Variants in ADD3 observed in about 807,000 individuals in gnomAD.
The protein encoded by ADD3 is gamma-adducin.
Under a neutral mutation model 80.2 loss-of-function variants are expected in ADD3, and 25 were observed. That is an observed-to-expected ratio of 0.31 (90% confidence interval 0.23 to 0.44). ADD3 has a LOEUF of 0.44. ADD3 is among the 20% of genes least tolerant of loss of function. The probability of loss-of-function intolerance (pLI) is 1.00; values close to 1 mark genes in which losing one functional copy is unlikely to be tolerated. For missense variants in ADD3, 829 were observed against 847.5 expected (o/e 0.98, Z 0.27); for synonymous variants, 284 against 289.6 (o/e 0.98, Z 0.20).
chr10:110,055,467 A>C (rs1858066168), intron 1 of ADD3, among the ~76,000 whole-genome samples: 1 of 152,240 alleles, frequency 6.6e-6, no homozygotes, highest in Admixed American at 6.5e-5. Context: ...GTTTCACAGC[A>C]TAAGTTATTT....
At chr10:110,097,597 G>T (rs767036617) in intron 1 of ADD3, among the ~76,000 whole-genome samples, 2 of 152,088 alleles carry the variant, frequency 1.3e-5, no homozygotes, top group Non-Finnish European at 2.9e-5. Context: ...TAACATTGAT[G>T]TAAATACTAT....
chr10:110,067,925 T>C (rs1844175870), intron 1 of ADD3, among the ~76,000 whole-genome samples: 1 of 152,250 alleles, frequency 6.6e-6, no homozygotes, highest in Admixed American at 6.5e-5. Context: ...TACTTCTCTT[T>C]GTTTAATATT....
chr10:110,011,138 G>C (rs768615209), intron 1 of ADD3, among the ~76,000 whole-genome samples: 5 of 150,746 alleles, frequency 3.3e-5, no homozygotes, highest in Non-Finnish European at 7.4e-5. Context: ...GTGGCCCAGA[G>C]GGCACTAATT....
At chr10:110,032,714 C>A (rs921270690) in intron 1 of ADD3, among the ~76,000 whole-genome samples, 1 of 152,130 alleles carries the variant, frequency 6.6e-6, no homozygotes, top group East Asian at 1.9e-4. Flanking sequence ...CTGAAATAAT[C>A]GCTATTCTAT....
chr10:110,014,358 A>C (rs1316653886), intron 1 of ADD3, among the ~76,000 whole-genome samples: 1 of 152,200 alleles, frequency 6.6e-6, no homozygotes, highest in African/African-American at 2.4e-5. Context: ...ATTGGGCATA[A>C]GTGCCTTGGA....
At position 110,134,019 on chromosome 10, in the gene ADD3, T is replaced by C. The variant is rs1853405040; in HGVS notation, c.*401T>C. 1 of 153,782 alleles carries C rather than the reference T, an allele frequency of 6.5e-6. No homozygotes were observed. The highest frequency in any genetic ancestry group is 1.5e-5 in the Non-Finnish European group (1 of 68,872). 9.5% of individuals were successfully genotyped at this position (153,782 alleles called of 1,614,324 possible). ...ATATTATAATTTTTTATCATGATTATTGACTATATTTTTGGAGTCCCATTG... is the reference window on the plus strand; with the variant it reads ...ATATTATAATTTTTTATCATGATTACTGACTATATTTTTGGAGTCCCATTG... On this transcript the variant is annotated 3_prime_UTR_variant, in exon 15 of 15. Transcript: ENST00000356080.
chr10:110,089,484 C>T (rs1590069154), intron 1 of ADD3, among the ~76,000 whole-genome samples: 2 of 151,994 alleles, frequency 1.3e-5, no homozygotes, highest in African/African-American at 4.8e-5. Context: ...GGTGGGGAAC[C>T]CTTCTTTTGT....
Position 110,116,384 on chromosome 10 carries a change from G to A in ADD3, c.460G>A (p.Ala154Thr). 1 of 1,614,014 alleles carries A rather than the reference G, an allele frequency of 6.2e-7. No individual in the cohort carries two copies. The change falls in exon 4 of 15, where the codon GCA becomes ACA. Residue 154 changes from alanine (A) to threonine (T), a missense_variant. By Grantham distance (58) the Ala-to-Thr change is moderately conservative (BLOSUM62 0). Coordinates refer to ENST00000356080, the MANE Select transcript of ADD3 (RefSeq NM_016824.5). ...LYRLVDLFGW[A>T]HLANTYISVR... is the part of the protein sequence containing the mutation. The stretch of plus-strand genomic sequence containing the variant: ...CAGACTTGTAGACTTGTTTGGATGG[G>A]CACACCTGGCAAATACCTATATCTC...
At chr10:110,080,886 A>G (rs1690818860) in intron 1 of ADD3, among the ~76,000 whole-genome samples, 1 of 152,220 alleles carries the variant, frequency 6.6e-6, no homozygotes, top group Admixed American at 6.5e-5. Context: ...AAAGTTACAA[A>G]GTTACATGGC....
chr10:110,011,480 G>A (rs560043167), intron 1 of ADD3, among the ~76,000 whole-genome samples: 13 of 152,248 alleles, frequency 8.5e-5, no homozygotes, highest in African/African-American at 2.9e-4. Flanking sequence ...GTAATGTTAG[G>A]AAAAAATGTT....
At chr10:110,123,534 A>AGTCCCCTATATATT (rs1851773356) in intron 9 of ADD3, among the ~76,000 whole-genome samples, 2 of 152,094 alleles carry the variant, frequency 1.3e-5, no homozygotes, top group Non-Finnish European at 2.9e-5. Context: ...CTATTTTTTA[A>AGTCCCCTATATATT]TTGGGTTCTT....
chr10:110,026,297 TTG>T, intron 1 of ADD3, among the ~76,000 whole-genome samples: 1 of 151,854 alleles, frequency 6.6e-6, no homozygotes, highest in African/African-American at 2.4e-5. Context: ...TTTTTTTTTT[TTG>T]AAACGGAGTT....
chr10:110,125,429 A>AGTT (rs1455790942), intron 10 of ADD3, among the ~76,000 whole-genome samples: 1 of 134,742 alleles, frequency 7.4e-6, no homozygotes, highest in Non-Finnish European at 1.5e-5. Flanking sequence ...ATATTTCTTA[A>AGTT]GTTTTTTTTT....
rs536277849 is a variant in ADD3, at chr10:110,038,758, T to C, written c.-30+30459T>C. Among the ~76,000 whole-genome samples the C allele has an allele frequency of 1.6e-3, 251 of 152,354 alleles. 1 individual carries two copies. The highest frequency in any genetic ancestry group is 2.9e-3 in the Non-Finnish European group (200 of 68,034). On this transcript the variant is annotated intron_variant, in intron 1 of 14. Transcript: ENST00000356080. ...GTTAAATGCATAAGGATGAAAATTA[T>C]GTTTGTAAACTAGTAAAGACTAGAA...
At chr10:110,119,153 C>G (rs1851148654) in intron 6 of ADD3, 58 bp from the exon 7 acceptor site, 6 of 1,586,488 alleles carry the variant, frequency 3.8e-6, no homozygotes, top group Non-Finnish European at 5.2e-6. Context: ...AATCAGGTTC[C>G]TATGAAAATG....
At chr10:110,104,941 C>T (rs1297060296) in intron 2 of ADD3, among the ~76,000 whole-genome samples, 1 of 152,128 alleles carries the variant, frequency 6.6e-6, no homozygotes, top group Non-Finnish European at 1.5e-5. Context: ...CATTCAGTGA[C>T]AATGAAAAAA....
At chr10:110,114,660 T>A (rs984302667) in intron 3 of ADD3, among the ~76,000 whole-genome samples, 5 of 152,204 alleles carry the variant, frequency 3.3e-5, no homozygotes, top group Middle Eastern at 3.4e-3. Context: ...CCTATAGGAA[T>A]GGTAATATCA....
At chr10:110,113,188 G>A (rs1340354118) in intron 3 of ADD3, among the ~76,000 whole-genome samples, 1 of 152,178 alleles carries the variant, frequency 6.6e-6, no homozygotes, top group East Asian at 1.9e-4. Context: ...TGAGGTGGGA[G>A]AAATGCTTGA....
In ADD3 at chr10:110,119,282, T is replaced by C. The variant is rs763619672; in HGVS notation, c.789T>C (p.Tyr263=). Reference sequence around the variant, plus strand: ...TTCTTCTGGGAGATGTTGCCTATTATGACTACCAAGGGTCACTTGAAGAAC... The same window carrying C: ...TTCTTCTGGGAGATGTTGCCTATTACGACTACCAAGGGTCACTTGAAGAAC... ...ESLLLGDVAY[Y]DYQGSLEEQE... The change falls in exon 7 of 15, where the codon TAT becomes TAC. Residue 263 remains tyrosine, a synonymous_variant. Coordinates refer to ENST00000356080, the MANE Select transcript of ADD3 (RefSeq NM_016824.5). 3.7e-6 allele frequency: 6 copies of C among 1,614,032 alleles called. No individual in the cohort carries two copies. Among genetic ancestry groups the C allele is most frequent in the South Asian group, 2.2e-5 (2 of 91,086 alleles).
Sources: allele counts gnomAD v4.1 joint callset (sites outside exome capture counted in the v4.1 genomes callset), GRCh38; gene constraint gnomAD v4.1.1; transcripts MANE v1.5; gene names NCBI Gene and HGNC (gene_info 2026-07-23, HGNC 2026-07-21).